Variants in HAPLN1 observed in about 807,000 individuals in gnomAD.
The protein encoded by HAPLN1 is hyaluronan and proteoglycan link protein 1.
HAPLN1 carries 13 observed loss-of-function variants against 36.5 expected under a neutral mutation model. That is an observed-to-expected ratio of 0.36 (90% confidence interval 0.23 to 0.57). The LOEUF (loss-of-function observed/expected upper bound fraction) is 0.57. Ranked by LOEUF, HAPLN1 falls within the 20% of genes least tolerant of loss-of-function variation. The pLI is 0.83. For synonymous variants in HAPLN1, 202 were observed against 169.8 expected (o/e 1.19, Z -1.48); for missense variants, 407 against 439.7 (o/e 0.93, Z 0.66).
rs192399922 is a variant in HAPLN1 at position 83,694,019 on chromosome 5, C to T, written c.-26-20470G>A. ...ACATTCTTTTCAAATGCATACCAACCACTTACCAAGATAAACTATATTCTG... is the reference window on the plus strand; with the variant it reads ...ACATTCTTTTCAAATGCATACCAACTACTTACCAAGATAAACTATATTCTG... On this transcript the variant is annotated intron_variant, in intron 1 of 4. Transcript: ENST00000274341. Among the ~76,000 whole-genome samples the T allele has an allele frequency of 6.1e-4, 93 of 151,986 alleles. 1 individual carries two copies. Among genetic ancestry groups the T allele is most frequent in the African/African-American group, 2.1e-3 (89 of 41,530 alleles).
intron 2 of HAPLN1, among the ~76,000 whole-genome samples, chr5:83,660,334 C>T (rs563816632): frequency 6.6e-6 from 1 of 152,242 alleles, no homozygotes; most frequent in Admixed American, 6.5e-5. Flanking sequence ...AAGATAAATT[C>T]TATCACTATT....
At chr5:83,705,910 A>G (rs1009868018) in intron 1 of HAPLN1, among the ~76,000 whole-genome samples, 1 of 152,096 alleles carries the variant, frequency 6.6e-6, no homozygotes, top group African/African-American at 2.4e-5. Flanking sequence ...CTGACCCCAC[A>G]GAAATATTAA....
At chr5:83,708,838 A>G (rs1169112007) in intron 1 of HAPLN1, among the ~76,000 whole-genome samples, 1 of 152,160 alleles carries the variant, frequency 6.6e-6, no homozygotes, top group African/African-American at 2.4e-5. Flanking sequence ...TCTATAAAAC[A>G]TCTAAAAATT....
At chr5:83,685,172 T>C (rs1394874186) in intron 1 of HAPLN1, among the ~76,000 whole-genome samples, 1 of 152,136 alleles carries the variant, frequency 6.6e-6, no homozygotes, top group Non-Finnish European at 1.5e-5. Flanking sequence ...ACTGGAAAAA[T>C]GGCATGGGAT....
At chr5:83,675,943 G>T (rs914321669) in intron 1 of HAPLN1, among the ~76,000 whole-genome samples, 3 of 152,134 alleles carry the variant, frequency 2.0e-5, no homozygotes, top group African/African-American at 7.2e-5. Context: ...TATGTCTTTT[G>T]TTGCCTTTTT....
intron 1 of HAPLN1, among the ~76,000 whole-genome samples, chr5:83,698,133 T>G (rs889323970): frequency 3.3e-5 from 5 of 152,100 alleles, no homozygotes; most frequent in African/African-American, 1.2e-4. Flanking sequence ...TTCAAAAGTT[T>G]TATAGTTTTA....
chr5:83,646,420 C>T (rs1487616808), intron 3 of HAPLN1, among the ~76,000 whole-genome samples: 1 of 152,178 alleles, frequency 6.6e-6, no homozygotes, highest in Non-Finnish European at 1.5e-5. Context: ...AATAGCATAA[C>T]CAGTACACAG....
At chr5:83,690,365 T>C (rs1307748227) in intron 1 of HAPLN1, among the ~76,000 whole-genome samples, 1 of 152,096 alleles carries the variant, frequency 6.6e-6, no homozygotes, top group Non-Finnish European at 1.5e-5. Flanking sequence ...AACAGGTTTT[T>C]TAGTAGTGTG....
intron 2 of HAPLN1, among the ~76,000 whole-genome samples, chr5:83,662,575 A>G (rs1188378239): frequency 6.6e-6 from 1 of 152,226 alleles, no homozygotes; most frequent in East Asian, 1.9e-4. Flanking sequence ...ATATTTTACT[A>G]ATATGTTGAG....
At chr5:83,675,783 C>T (rs1375919465) in intron 1 of HAPLN1, among the ~76,000 whole-genome samples, 1 of 152,162 alleles carries the variant, frequency 6.6e-6, no homozygotes, top group African/African-American at 2.4e-5. Flanking sequence ...CTATAAGCAG[C>T]ATTTTGTCTG....
chr5:83,677,211 G>A lies in HAPLN1; in HGVS notation c.-26-3662C>T, dbSNP rs1301715105. On this transcript the variant is annotated intron_variant, in intron 1 of 4. Transcript: ENST00000274341. The stretch of plus-strand genomic sequence containing the variant: ...AGAACAACTCAATTGAGGTAAGTAT[G>A]TTGTTAGACACATTTTACAGCTCTA... Among the ~76,000 whole-genome samples, 21 of 152,166 alleles carry A rather than the reference G, an allele frequency of 1.4e-4. 1 individual carries two copies. Among genetic ancestry groups the A allele is most frequent in the Admixed American group, 1.4e-3 (21 of 15,282 alleles).
chr5:83,672,875 G>A (rs563479369), intron 2 of HAPLN1, among the ~76,000 whole-genome samples: 133 of 152,308 alleles, frequency 8.7e-4, no homozygotes, highest in African/African-American at 3.0e-3. Flanking sequence ...CTCAAATCCT[G>A]CTACAGCTCT....
At chr5:83,700,841 C>T (rs1448216531) in intron 1 of HAPLN1, among the ~76,000 whole-genome samples, 2 of 152,048 alleles carry the variant, frequency 1.3e-5, no homozygotes, top group Non-Finnish European at 2.9e-5. Context: ...GAAATAAGGA[C>T]ACAGTAAAAG....
intron 2 of HAPLN1, among the ~76,000 whole-genome samples, chr5:83,661,601 C>A (rs371243770): frequency 6.6e-6 from 1 of 151,782 alleles, no homozygotes; most frequent in Non-Finnish European, 1.5e-5. Flanking sequence ...TCTGCCACCC[C>A]GCCCGGCTAA....
At chr5:83,657,599 T>G (rs1750257135) in intron 2 of HAPLN1, among the ~76,000 whole-genome samples, 1 of 152,154 alleles carries the variant, frequency 6.6e-6, no homozygotes, top group East Asian at 1.9e-4. Context: ...TCCATTCTCA[T>G]GGTCCTTACA....
intron 2 of HAPLN1, among the ~76,000 whole-genome samples, chr5:83,661,468 G>A (rs1242438755): frequency 1.8e-5 from 2 of 111,084 alleles, no homozygotes; most frequent in Admixed American, 1.1e-4. Context: ...TTTTTGAGAC[G>A]GAGTCCTGCT....
chr5:83,642,216 A>T (rs750336704), intron 4 of HAPLN1, among the ~76,000 whole-genome samples: 1 of 152,174 alleles, frequency 6.6e-6, no homozygotes, highest in East Asian at 1.9e-4. Context: ...CACATTCCTG[A>T]CATAAAAGTC....
Position 83,652,433 on chromosome 5 carries a change from C to T in HAPLN1, c.472+20G>A, listed in dbSNP as rs200732791. On this transcript the variant is annotated intron_variant, in intron 3 of 4. Transcript: ENST00000274341. ...TATTAATGACCATTTATACGTTGAACATGACTTATAGATACATACCTTGTA... is the reference window on the plus strand; with the variant it reads ...TATTAATGACCATTTATACGTTGAATATGACTTATAGATACATACCTTGTA... 1 of 1,592,732 alleles carries T rather than the reference C, an allele frequency of 6.3e-7. No individual in the cohort carries two copies. Among genetic ancestry groups the T allele is most frequent in the Non-Finnish European group, 8.6e-7 (1 of 1,168,330 alleles).
intron 2 of HAPLN1, among the ~76,000 whole-genome samples, chr5:83,656,796 T>C (rs1750230866): frequency 6.6e-6 from 1 of 152,170 alleles, no homozygotes; most frequent in South Asian, 2.1e-4. Flanking sequence ...GTTATTATCT[T>C]ACAAATTCTG....
Sources: allele counts gnomAD v4.1 joint callset (sites outside exome capture counted in the v4.1 genomes callset), GRCh38; gene constraint gnomAD v4.1.1; transcripts MANE v1.5; gene names NCBI Gene and HGNC (gene_info 2026-07-23, HGNC 2026-07-21).